Variants in TMCC2 observed in about 807,000 individuals in gnomAD.
The protein encoded by TMCC2 is transmembrane and coiled-coil domain family 2, also known as transmembrane and coiled-coil domains protein 2.
A neutral mutation model predicts 49.4 loss-of-function variants in TMCC2; 16 were observed. The ratio of observed to expected loss-of-function variants is 0.32; its 90% CI spans 0.22 to 0.49. The LOEUF (loss-of-function observed/expected upper bound fraction) is 0.49, where lower values mean the gene tolerates loss of function less well. Among genes scored for constraint, TMCC2 ranks in the 20% least tolerant of loss-of-function variants. TMCC2 has a pLI of 0.99. For synonymous variants in TMCC2, 397 were observed against 434.1 expected (o/e 0.91, Z 1.06); for missense variants, 762 against 989.8 (o/e 0.77, Z 3.09).
intron 2 of TMCC2, chr1:205,257,291 G>T: frequency 8.1e-7 from 1 of 1,232,286 alleles, no homozygotes; most frequent in Non-Finnish European, 1.0e-6. Flanking sequence ...GCCTGACACA[G>T]TCCGCAGACA....
rs1341125050 is a variant in TMCC2, at chr1:205,269,888, G to A, written c.1682+4G>A. 5 of 1,608,318 alleles carry A rather than the reference G, an allele frequency of 3.1e-6. No individual in the cohort carries two copies. The Admixed American group carries it at 8.4e-5, about 27-fold the overall frequency. On this transcript the variant is annotated splice_donor_region_variant and intron_variant, in intron 3 of 4. Transcript: ENST00000358024. ...GCCTGCAGGAGGAGCGCTACAGGTA[G>A]GTGCCTGCCCACCCCCTCCTGCAGC... is the stretch of plus-strand genomic sequence containing the variant.
At chr1:205,229,934 T>G in intron 1 of TMCC2, 2 of 985,438 alleles carry the variant, frequency 2.0e-6, no homozygotes, top group Non-Finnish European at 2.4e-6. Context: ...CAGCTCACCG[T>G]CCAGCTGAGC....
Position 205,272,191 on chromosome 1 carries a change from T to C in TMCC2, c.*67T>C. 5 of 1,557,726 alleles carry C rather than the reference T, an allele frequency of 3.2e-6. No homozygotes were observed. In the Admixed American group the frequency reaches 9.0e-5, roughly 28 times the overall value. Reference sequence around the variant, plus strand: ...GGCCACACTTCTCCAGGAGGGACCCTTGGACTTCTTTGTGTGTCCAGTTTG... The same window carrying C: ...GGCCACACTTCTCCAGGAGGGACCCCTGGACTTCTTTGTGTGTCCAGTTTG... On this transcript the variant is annotated 3_prime_UTR_variant, in exon 5 of 5. Coordinates refer to ENST00000358024, the MANE Select transcript of TMCC2 (RefSeq NM_014858.4).
At chr1:205,260,473 C>T (rs955266583) in intron 2 of TMCC2, among the ~76,000 whole-genome samples, 1 of 152,192 alleles carries the variant, frequency 6.6e-6, no homozygotes, top group Non-Finnish European at 1.5e-5. Flanking sequence ...TGCTACCCTA[C>T]TAAACCTGAC....
At chr1:205,258,036 G>A (rs1558653033) in intron 2 of TMCC2, among the ~76,000 whole-genome samples, 1 of 152,180 alleles carries the variant, frequency 6.6e-6, no homozygotes, top group Non-Finnish European at 1.5e-5. Flanking sequence ...AGAAGCCAAG[G>A]GTTAGATGAG....
intron 2 of TMCC2, chr1:205,246,787 A>T (rs1342278675): frequency 7.5e-7 from 1 of 1,330,788 alleles, no homozygotes; most frequent in Non-Finnish European, 1.0e-6. Context: ...GGAAAACGTG[A>T]ACCTTGCTGT....
chr1:205,257,367 G>T, intron 2 of TMCC2: 14 of 1,232,350 alleles, frequency 1.1e-5, no homozygotes, highest in Non-Finnish European at 1.4e-5. Flanking sequence ...GCCCACACAG[G>T]TGAGGCGTCT....
chr1:205,243,060 C>A (rs1449218078), intron 2 of TMCC2, among the ~76,000 whole-genome samples: 2 of 152,164 alleles, frequency 1.3e-5, no homozygotes, highest in Non-Finnish European at 1.5e-5. Context: ...AGGAAACTGG[C>A]AGGACGAGGT....
At chr1:205,267,403 C>G (rs1661385503) in intron 2 of TMCC2, among the ~76,000 whole-genome samples, 1 of 152,104 alleles carries the variant, frequency 6.6e-6, no homozygotes, top group African/African-American at 2.4e-5. Flanking sequence ...TGTGTTTAAC[C>G]CCTTCCCCCA....
chr1:205,245,796 C>T (rs1339502157), intron 2 of TMCC2, among the ~76,000 whole-genome samples: 1 of 151,080 alleles, frequency 6.6e-6, no homozygotes, highest in African/African-American at 2.5e-5. Flanking sequence ...TGAAGATATC[C>T]CAATTTTTTT....
intron 3 of TMCC2, among the ~76,000 whole-genome samples, chr1:205,270,535 G>GT (rs1661546789): frequency 6.6e-6 from 1 of 152,208 alleles, no homozygotes; most frequent in African/African-American, 2.4e-5. Flanking sequence ...CCCTGGGCTT[G>GT]TGGGGGGATC....
At chr1:205,268,143 C>A in intron 2 of TMCC2, 1 of 901,566 alleles carries the variant, frequency 1.1e-6, no homozygotes, top group Non-Finnish European at 1.3e-6. Flanking sequence ...GTGGCGAGGG[C>A]AGGCAGGCAG....
At chr1:205,243,412 A>G (rs1378877776) in intron 2 of TMCC2, among the ~76,000 whole-genome samples, 1 of 152,008 alleles carries the variant, frequency 6.6e-6, no homozygotes, top group Non-Finnish European at 1.5e-5. Context: ...AACAAAAAAA[A>G]TCAGTAGATT....
At chr1:205,265,459 A>C (rs1247097425) in intron 2 of TMCC2, among the ~76,000 whole-genome samples, 1 of 152,042 alleles carries the variant, frequency 6.6e-6, no homozygotes, top group East Asian at 1.9e-4. Flanking sequence ...ATTTCTTATT[A>C]GCTCCTCCCA....
At chr1:205,247,879 A>C (rs1424232970) in intron 2 of TMCC2, among the ~76,000 whole-genome samples, 1 of 150,324 alleles carries the variant, frequency 6.7e-6, no homozygotes, top group Non-Finnish European at 1.5e-5. Context: ...GAGGCAGCTA[A>C]ATTTCCTCAG....
intron 1 of TMCC2, among the ~76,000 whole-genome samples, chr1:205,230,466 G>A (rs1422993529): frequency 6.6e-6 from 1 of 152,104 alleles, no homozygotes; most frequent in Non-Finnish European, 1.5e-5. Context: ...GTGGTCAGGA[G>A]GTGTAGTTCC....
In TMCC2 at chr1:205,269,295, G is replaced by A; in HGVS notation, c.1093G>A (p.Glu365Lys). 6.2e-7 allele frequency: 1 copy of A among 1,613,630 alleles called. No homozygotes were observed. Among genetic ancestry groups the A allele is most frequent in the Non-Finnish European group, 8.5e-7 (1 of 1,180,010 alleles). ...CTACCGCCGGCGCCTGAAGGAGATT[G>A]AGCAGAACGGGCCCTCGCGGCAGCC... ...EHYRRRLKEI[E>K]QNGPSRQPKD... The change falls in exon 3 of 5, where the codon GAG becomes AAG. Residue 365 changes from glutamate to lysine, a missense_variant. Around this residue, in one of 2 missense-constraint regions of TMCC2, gnomAD observed 440 missense variants for 636.7 expected, o/e 0.69. Transcript: ENST00000358024.
intron 2 of TMCC2, among the ~76,000 whole-genome samples, chr1:205,268,351 C>A (rs1331991059): frequency 1.3e-5 from 2 of 152,226 alleles, no homozygotes; most frequent in Non-Finnish European, 2.9e-5. Flanking sequence ...TAGTGGCTCA[C>A]ACCTGTAATC....
At chr1:205,244,664 A>G (rs1191344559) in intron 2 of TMCC2, among the ~76,000 whole-genome samples, 3 of 152,138 alleles carry the variant, frequency 2.0e-5, no homozygotes, top group African/African-American at 7.2e-5. Flanking sequence ...ACAGAGCTGA[A>G]CGATTATCAG....
Sources: gnomAD v4.1 joint callset for allele counts (sites outside exome capture counted in the v4.1 genomes callset) on GRCh38, gnomAD v4.1.1 for gene constraint, gnomAD v4.1.1 regional missense constraint, MANE v1.5 for transcripts, NCBI Gene and HGNC (gene_info 2026-07-23, HGNC 2026-07-21) for gene names.